Variants in DCHS2 observed in about 807,000 individuals in gnomAD.
DCHS2 encodes dachsous cadherin-related 2, also known as protocadherin-23.
In DCHS2, 142 loss-of-function variants were observed where a neutral mutation model predicts 182.4. That is an observed-to-expected ratio of 0.78 (90% confidence interval 0.68 to 0.89). The LOEUF (loss-of-function observed/expected upper bound fraction) is 0.89. Ranked by LOEUF, DCHS2 falls within the 40% of genes least tolerant of loss-of-function variation. The pLI is 0.00. For synonymous variants in DCHS2, 1,740 were observed against 1,663.3 expected (o/e 1.05, Z -1.12); for missense variants, 4,319 against 4,198.6 (o/e 1.03, Z -0.79).
intron 16 of DCHS2, among the ~76,000 whole-genome samples, chr4:154,244,156 A>T (rs1731964353): frequency 6.6e-6 from 1 of 152,108 alleles, no homozygotes; most frequent in South Asian, 2.1e-4. Flanking sequence ...CTTTTTTCTT[A>T]ATAACATATT....
chr4:154,421,641 A>G (rs9790575), intron 1 of DCHS2, among the ~76,000 whole-genome samples: 119,810 of 152,076 alleles, frequency 0.79, 51,488 homozygotes, highest in Non-Finnish European at 0.95. Context: ...AAAATCCACC[A>G]CCTTGGCCTC....
In DCHS2 at chr4:154,490,009, C is replaced by T. The variant is rs1467443102; in HGVS notation, c.1347G>A (p.Glu449=). ...GCTCCCCTGTGGCCTCATCTTCCTT[C>T]TCCCAGTCACCGTCCGCGTCAGACA... is the stretch of plus-strand genomic sequence containing the variant. ...VSVSDADGDW[E]KEDEATGELG... The change falls in exon 1 of 20, where the codon GAG becomes GAA. Residue 449 remains glutamate, a synonymous_variant. Transcript: ENST00000357232. The T allele has an allele frequency of 6.5e-7, 1 of 1,549,046 alleles. No homozygotes were observed. The highest frequency in any genetic ancestry group is 1.2e-5 in the South Asian group (1 of 84,052).
At chr4:154,281,728 C>A (rs1183894915) in intron 13 of DCHS2, among the ~76,000 whole-genome samples, 1 of 152,096 alleles carries the variant, frequency 6.6e-6, no homozygotes, top group African/African-American at 2.4e-5. Context: ...TCAAAATAAT[C>A]TTGAGAAAGT....
rs141444591 is a variant in DCHS2 at position 154,373,649 on chromosome 4, G to A, written c.2244+3604C>T. Among the ~76,000 whole-genome samples the A allele has an allele frequency of 5.0e-3, 519 of 103,434 alleles. 2 individuals are homozygous for A. Among genetic ancestry groups the A allele is most frequent in the African/African-American group, 0.017 (488 of 28,358 alleles). 67.9% of individuals were successfully genotyped at this position (103,434 alleles called of 152,430 possible). A position where few individuals can be genotyped will look rare whatever the true frequency, so the allele number is the denominator to read the frequency against. ...CATCCCTGGGCTTGTGCCAGGTCCCGTTTTCACATAAACCTACTTCAGGAG... is the reference window on the plus strand; with the variant it reads ...CATCCCTGGGCTTGTGCCAGGTCCCATTTTCACATAAACCTACTTCAGGAG... On this transcript the variant is annotated intron_variant, in intron 2 of 19. Coordinates refer to ENST00000357232, the MANE Select transcript of DCHS2 (RefSeq NM_001358235.2).
At chr4:154,435,328 G>A (rs1733730475) in intron 1 of DCHS2, among the ~76,000 whole-genome samples, 1 of 152,142 alleles carries the variant, frequency 6.6e-6, no homozygotes, top group African/African-American at 2.4e-5. Flanking sequence ...TGGGCGCGGT[G>A]GCTCATGCCT....
At chr4:154,239,858 A>G (rs1731715570) in intron 18 of DCHS2, among the ~76,000 whole-genome samples, 1 of 151,688 alleles carries the variant, frequency 6.6e-6, no homozygotes, top group African/African-American at 2.4e-5. Context: ...TTTACTATGA[A>G]AAAAAGTTCT....
chr4:154,371,205 A>G (rs950886009), intron 2 of DCHS2, among the ~76,000 whole-genome samples: 1 of 144,808 alleles, frequency 6.9e-6, no homozygotes, highest in Non-Finnish European at 1.5e-5. Context: ...TCATGACAGG[A>G]AAAAAAAAAA....
chr4:154,292,624 T>C (rs1734718986), intron 13 of DCHS2, among the ~76,000 whole-genome samples: 1 of 152,208 alleles, frequency 6.6e-6, no homozygotes, highest in Admixed American at 6.5e-5. Context: ...CATTCCTTTA[T>C]TGTCTTATCC....
chr4:154,242,534 T>C, intron 17 of DCHS2, 108 bp downstream of exon 17: 1 of 1,395,888 alleles, frequency 7.2e-7, no homozygotes, highest in South Asian at 1.9e-5. Context: ...CTAGTTTGCT[T>C]GGTTGTTGAG....
chr4:154,330,601 G>A (rs974971451), intron 5 of DCHS2, among the ~76,000 whole-genome samples: 2 of 152,054 alleles, frequency 1.3e-5, no homozygotes, highest in African/African-American at 2.4e-5. Flanking sequence ...GTGAGAATGT[G>A]AGCATGAAGC....
chr4:154,243,388 G>A (rs75896656), intron 16 of DCHS2, among the ~76,000 whole-genome samples: 60 of 152,232 alleles, frequency 3.9e-4, no homozygotes, highest in African/African-American at 1.3e-3. Flanking sequence ...AATCTCTCTT[G>A]GATGATGCTA....
Position 154,234,708 on chromosome 4 carries a change from T to C in DCHS2, c.9944A>G (p.Tyr3315Cys), listed in dbSNP as rs778199679. The change falls in exon 20 of 20, where the codon TAC becomes TGC. Residue 3315 changes from tyrosine (Y) to cysteine (C), a missense_variant. Transcript: ENST00000357232. Reference sequence around the variant, plus strand: ...GCCTTCTGGCAGAGAACCAAGATGGTAGGGGATGGGAGAGCGTGGGTGTTT... The same window carrying C: ...GCCTTCTGGCAGAGAACCAAGATGGCAGGGGATGGGAGAGCGTGGGTGTTT... ...PPKHPRSPIP[Y>C]HLGSLPEGMT... 1.1e-4 allele frequency: 183 copies of C among 1,613,620 alleles called. No homozygotes were observed. Among genetic ancestry groups the C allele is most frequent in the Middle Eastern group, 3.3e-4 (2 of 6,080 alleles).
chr4:154,315,540 A>T (rs563963202), intron 10 of DCHS2, among the ~76,000 whole-genome samples: 1 of 152,314 alleles, frequency 6.6e-6, no homozygotes, highest in East Asian at 1.9e-4. Flanking sequence ...ATAATAATAA[A>T]GTTAATACAA....
intron 1 of DCHS2, among the ~76,000 whole-genome samples, chr4:154,420,509 C>G (rs921218385): frequency 3.3e-5 from 5 of 152,128 alleles, no homozygotes; most frequent in African/African-American, 1.2e-4. Context: ...AGCCAAAGGC[C>G]TGAGATTTGG....
intron 16 of DCHS2, among the ~76,000 whole-genome samples, chr4:154,250,182 G>A (rs1419532707): frequency 1.3e-5 from 2 of 152,140 alleles, no homozygotes; most frequent in African/African-American, 2.4e-5. Context: ...GATACTGAGA[G>A]ATGACTGTAT....
At chr4:154,482,970 A>C (rs1560784520) in intron 1 of DCHS2, among the ~76,000 whole-genome samples, 1 of 152,220 alleles carries the variant, frequency 6.6e-6, no homozygotes, top group Non-Finnish European at 1.5e-5. Flanking sequence ...GCTTAGATGA[A>C]TACAACAAAA....
chr4:154,373,950 C>T, intron 2 of DCHS2: 1 of 1,598,670 alleles, frequency 6.3e-7, no homozygotes, highest in Non-Finnish European at 8.5e-7. Flanking sequence ...TCATTCTCTG[C>T]TCATCCTGAA....
At chr4:154,322,579 ATTTG>A (rs1736107961) in intron 7 of DCHS2, 91 bp from the exon 8 acceptor site, 1 of 1,410,418 alleles carries the variant, frequency 7.1e-7, no homozygotes, top group South Asian at 1.7e-5. Context: ...CATTTGGAAG[ATTTG>A]TTTGCTTTGA....
At chr4:154,421,557 G>C (rs1733112524) in intron 1 of DCHS2, among the ~76,000 whole-genome samples, 1 of 152,032 alleles carries the variant, frequency 6.6e-6, no homozygotes, top group African/African-American at 2.4e-5. Flanking sequence ...ACCATGTCTG[G>C]CTAATTTTTG....
Sources: gnomAD v4.1 joint callset for allele counts (sites outside exome capture counted in the v4.1 genomes callset) on GRCh38, gnomAD v4.1.1 for gene constraint, MANE v1.5 for transcripts, NCBI Gene and HGNC (gene_info 2026-07-23, HGNC 2026-07-21) for gene names.